DOCK5: variants seen among roughly 807,000 people sequenced by gnomAD.
DOCK5 encodes the protein dedicator of cytokinesis 5, also known as dedicator of cytokinesis protein 5.
In DOCK5, 142 loss-of-function variants were observed where a neutral mutation model predicts 251.8. The ratio of observed to expected loss-of-function variants is 0.56; its 90% CI spans 0.49 to 0.65. The LOEUF is 0.65. Ranked by LOEUF, DOCK5 falls within the 30% of genes least tolerant of loss-of-function variation. The pLI is 0.00. For synonymous variants in DOCK5, 842 were observed against 835.5 expected (o/e 1.01, Z -0.13); for missense variants, 2,111 against 2,312.3 (o/e 0.91, Z 1.79).
intron 27 of DOCK5, among the ~76,000 whole-genome samples, chr8:25,354,045 A>AAAAC (rs747407785): frequency 2.8e-5 from 1 of 35,478 alleles, no homozygotes; most frequent in African/African-American, 8.0e-5. Flanking sequence ...AAAAAAAAAA[A>AAAAC]AAACAAACAA....
At chr8:25,349,949 C>A (rs535433663) in intron 26 of DOCK5, among the ~76,000 whole-genome samples, 2 of 152,296 alleles carry the variant, frequency 1.3e-5, no homozygotes, top group South Asian at 4.1e-4. Flanking sequence ...ATAGACAAAT[C>A]CTACCTGATC....
At chr8:25,194,856 T>C (rs6996838) in intron 1 of DOCK5, among the ~76,000 whole-genome samples, 117,331 of 151,928 alleles carry the variant, frequency 0.77, 45,834 homozygotes, top group Non-Finnish European at 0.84. Context: ...CTCAGATTAC[T>C]GCTGCTGATG....
intron 1 of DOCK5, among the ~76,000 whole-genome samples, chr8:25,208,291 A>G (rs2117474329): frequency 6.6e-6 from 1 of 152,370 alleles, no homozygotes; most frequent in South Asian, 2.1e-4. Flanking sequence ...CTTGTTGACA[A>G]AGCAGTGGAA....
At chr8:25,381,215 A>G (rs1396263191) in intron 39 of DOCK5, among the ~76,000 whole-genome samples, 1 of 152,266 alleles carries the variant, frequency 6.6e-6, no homozygotes, top group African/African-American at 2.4e-5. Context: ...CAGGTCACCC[A>G]TAGTCATGAA....
At chr8:25,244,346 G>A (rs555593235) in intron 2 of DOCK5, among the ~76,000 whole-genome samples, 2 of 152,324 alleles carry the variant, frequency 1.3e-5, no homozygotes, top group South Asian at 2.1e-4. Context: ...CATTGGTCAT[G>A]TCTGTACCCA....
intron 1 of DOCK5, among the ~76,000 whole-genome samples, chr8:25,199,134 A>G (rs1330116145): frequency 5.9e-5 from 9 of 152,164 alleles, no homozygotes; most frequent in Non-Finnish European, 1.3e-4. Context: ...GTAATGTGGC[A>G]TTGTTACTAC....
At chr8:25,381,411 G>A (rs1801065918) in intron 39 of DOCK5, among the ~76,000 whole-genome samples, 1 of 152,130 alleles carries the variant, frequency 6.6e-6, no homozygotes, top group South Asian at 2.1e-4. Flanking sequence ...GATCACTTGA[G>A]CCTAGGACTT....
chr8:25,224,703 C>A (rs1412545198), intron 1 of DOCK5, among the ~76,000 whole-genome samples: 1 of 152,146 alleles, frequency 6.6e-6, no homozygotes, highest in Non-Finnish European at 1.5e-5. Context: ...ATATTTTCTT[C>A]CTATAACACA....
Position 25,377,317 on chromosome 8 carries a change from C to T in DOCK5, c.3829C>T (p.Pro1277Ser), listed in dbSNP as rs1800980035. ...TCTTCCTTTTCAGTGGTCTGACAAG[C>T]CCTGTGTGCCTCATTTGCTTCAGAA... The part of the protein sequence containing the change: ...HAELLQWSDK[P>S]CVPHLLQKDS... Residue 1277 changes from proline (P) to serine (S), a missense_variant, in exon 38 of 52, where the codon CCC becomes TCC. By Grantham distance (74) the Pro-to-Ser change is moderately conservative (BLOSUM62 -1). This residue lies in a region of DOCK5 where 1,717 missense variants were observed against 1,892.4 expected (regional missense o/e 0.91). Transcript: ENST00000276440. The T allele has an allele frequency of 1.9e-6, 3 of 1,612,944 alleles. No individual in the cohort carries two copies. The highest frequency in any genetic ancestry group is 2.7e-5 in the African/African-American group (2 of 74,990).
intron 7 of DOCK5, 123 bp downstream of exon 7, chr8:25,296,771 A>C (rs1272460832): frequency 8.1e-7 from 1 of 1,236,772 alleles, no homozygotes; most frequent in Non-Finnish European, 1.1e-6. Context: ...TCATTTTAAA[A>C]GTGAAACATA....
At position 25,276,062 on chromosome 8, in the gene DOCK5, G is replaced by A. The variant is rs1804037842; in HGVS notation, c.224+621G>A. ...TATTATCTGTTCACTGATTGTGTGTGTGTGCGTGTGTGTATGTTTGCACAC... is the reference window on the plus strand; with the variant it reads ...TATTATCTGTTCACTGATTGTGTGTATGTGCGTGTGTGTATGTTTGCACAC... On this transcript the variant is annotated intron_variant, in intron 4 of 51. Transcript: ENST00000276440. Among the ~76,000 whole-genome samples the A allele has an allele frequency of 2.0e-5, 3 of 152,252 alleles. No homozygotes were observed. The South Asian group carries it at 6.2e-4, about 32-fold the overall frequency.
At chr8:25,380,503 T>C (rs1362860943) in intron 39 of DOCK5, 109 bp downstream of exon 39, 1 of 926,484 alleles carries the variant, frequency 1.1e-6, no homozygotes, top group Non-Finnish European at 1.7e-6. Flanking sequence ...TTTTTTACAA[T>C]GGAAAAGTCA....
At chr8:25,334,994 G>T (rs899763004) in intron 21 of DOCK5, among the ~76,000 whole-genome samples, 2 of 152,142 alleles carry the variant, frequency 1.3e-5, no homozygotes, top group African/African-American at 2.4e-5. Flanking sequence ...TTCTATCATT[G>T]GTTTATGGGC....
intron 40 of DOCK5, among the ~76,000 whole-genome samples, chr8:25,384,117 C>T (rs1384591419): frequency 6.6e-6 from 1 of 152,230 alleles, no homozygotes; most frequent in Non-Finnish European, 1.5e-5. Context: ...TCCTGATACA[C>T]ACAACTGCGG....
At chr8:25,208,940 G>T (rs1439196117) in intron 1 of DOCK5, among the ~76,000 whole-genome samples, 1 of 152,144 alleles carries the variant, frequency 6.6e-6, no homozygotes, top group Non-Finnish European at 1.5e-5. Flanking sequence ...CATTCCAGCA[G>T]AGCTGGTTTG....
intron 5 of DOCK5, among the ~76,000 whole-genome samples, 188 bp from the exon 6 acceptor site, chr8:25,291,836 G>T (rs1465943487): frequency 7.4e-6 from 1 of 135,544 alleles, no homozygotes; most frequent in Non-Finnish European, 1.5e-5. Flanking sequence ...TAGTGCTACT[G>T]CACTCCAGCC....
chr8:25,409,120 A>G (rs1801573719), intron 50 of DOCK5, among the ~76,000 whole-genome samples, 180 bp downstream of exon 50: 1 of 152,244 alleles, frequency 6.6e-6, no homozygotes, highest in Admixed American at 6.5e-5. Flanking sequence ...ACTAGGACTC[A>G]TTAAACTTTT....
At chr8:25,254,887 G>A (rs1052511329) in intron 2 of DOCK5, among the ~76,000 whole-genome samples, 2 of 151,700 alleles carry the variant, frequency 1.3e-5, no homozygotes, top group East Asian at 1.9e-4. Flanking sequence ...TAAAACATGG[G>A]CAAAGACCTT....
chr8:25,362,234 T>C (rs1446281037), intron 28 of DOCK5, among the ~76,000 whole-genome samples: 1 of 152,162 alleles, frequency 6.6e-6, no homozygotes, highest in Non-Finnish European at 1.5e-5. Context: ...TGTCCTTTTC[T>C]AACCATAATA....
Sources: allele counts gnomAD v4.1 joint callset (sites outside exome capture counted in the v4.1 genomes callset), GRCh38; gene constraint gnomAD v4.1.1; regional missense constraint gnomAD v4.1.1; transcripts MANE v1.5; gene names NCBI Gene and HGNC (gene_info 2026-07-23, HGNC 2026-07-21).